SHPRH: variants seen among roughly 807,000 people sequenced by gnomAD.
SHPRH encodes SNF2 histone linker PHD RING helicase, also known as E3 ubiquitin-protein ligase SHPRH.
A neutral mutation model predicts 202.5 loss-of-function variants in SHPRH; 106 were observed. That is an observed-to-expected ratio of 0.52 (90% CI 0.45 to 0.62). The LOEUF is 0.62. Among genes scored for constraint, SHPRH ranks in the 20% least tolerant of loss-of-function variants. The pLI is 0.00. For missense variants in SHPRH, 1,710 were observed against 2,020.0 expected, an observed-to-expected ratio of 0.85 and a Z score of 2.94; for synonymous variants, 729 against 686.0, an observed-to-expected ratio of 1.06 and a Z score of -0.98.
chr6:145,880,190 A>T (rs1006376921), downstream of SHPRH, among the ~76,000 whole-genome samples: 6 of 152,172 alleles, frequency 3.9e-5, no homozygotes, highest in African/African-American at 9.7e-5. Context: ...TTCATGAGAT[A>T]ATAAATTATT....
intron 25 of SHPRH, among the ~76,000 whole-genome samples, chr6:145,900,728 C>T (rs1782428394): frequency 6.6e-6 from 1 of 152,092 alleles, no homozygotes; most frequent in East Asian, 1.9e-4. Flanking sequence ...CTACACACAT[C>T]CTTCTGTATA....
downstream of SHPRH, among the ~76,000 whole-genome samples, chr6:145,879,910 C>CA (rs67055862): frequency 0.015 from 919 of 60,272 alleles, 4 homozygotes; most frequent in African/African-American, 0.03. Context: ...AACTCAATCT[C>CA]AAAAAAAAAA....
At chr6:145,899,439 GA>G (rs762097332) in intron 25 of SHPRH, among the ~76,000 whole-genome samples, 13 of 152,050 alleles carry the variant, frequency 8.5e-5, no homozygotes, top group Non-Finnish European at 1.5e-4. Flanking sequence ...ACACAATGGG[GA>G]AAAAACAGTC....
At chr6:145,944,284 A>G (rs1209739777) in intron 8 of SHPRH, among the ~76,000 whole-genome samples, 1 of 152,188 alleles carries the variant, frequency 6.6e-6, no homozygotes, top group African/African-American at 2.4e-5. Flanking sequence ...ATTACTTATT[A>G]AATGCCAATT....
intron 1 of SHPRH, among the ~76,000 whole-genome samples, chr6:145,955,775 C>A (rs571390716): frequency 6.6e-6 from 1 of 150,968 alleles, no homozygotes; most frequent in African/African-American, 2.4e-5. Context: ...TTATCAGGCA[C>A]GCAAAAAAAA....
intron 25 of SHPRH, chr6:145,909,739 A>G (rs1447836836): frequency 6.6e-6 from 1 of 151,244 alleles, no homozygotes; most frequent in Non-Finnish European, 1.5e-5. Flanking sequence ...AAATTTAGAT[A>G]CCGATGTGTC....
intron 4 of SHPRH, among the ~76,000 whole-genome samples, chr6:145,949,645 G>C (rs1034867313): frequency 2.0e-5 from 3 of 151,920 alleles, no homozygotes; most frequent in African/African-American, 7.3e-5. Context: ...CAGGTGATGG[G>C]TATACTAAAA....
chr6:145,930,025 C>T (rs1030098457), intron 14 of SHPRH, among the ~76,000 whole-genome samples: 4 of 152,096 alleles, frequency 2.6e-5, no homozygotes, highest in Admixed American at 2.6e-4. Context: ...GTTCGGAAAT[C>T]TTGAACAATA....
chr6:145,895,128 G>C (rs1781902801), intron 25 of SHPRH, 151 bp from the exon 26 acceptor site: 1 of 645,072 alleles, frequency 1.6e-6, no homozygotes, highest in African/African-American at 1.9e-5. Context: ...TTTTCATTTT[G>C]TGTTTGCTGG....
At chr6:145,947,342 G>T in intron 6 of SHPRH, 151 bp downstream of exon 6, 1 of 816,860 alleles carries the variant, frequency 1.2e-6, no homozygotes, top group Non-Finnish European at 1.8e-6. Flanking sequence ...CATTCTCTCT[G>T]CCCACTTGAA....
intron 24 of SHPRH, among the ~76,000 whole-genome samples, chr6:145,912,243 G>A (rs1783558980): frequency 6.6e-6 from 1 of 151,580 alleles, no homozygotes; most frequent in Admixed American, 6.6e-5. Context: ...ATTAGAAGGG[G>A]GGAGAACTGG....
rs542557640 is a variant in SHPRH, at chr6:145,895,079, G to T, written c.4516-102C>A. ...ACTTTTTATTATCAAAACTATAAAT[G>T]CATCAAAACAAATTATCAGGTGCAT... On this transcript the variant is annotated intron_variant, in intron 25 of 29. Coordinates refer to ENST00000275233, the MANE Select transcript of SHPRH (RefSeq NM_001042683.3). The T allele has an allele frequency of 5.1e-6, 5 of 976,942 alleles. No homozygotes were observed. The South Asian group carries it at 6.5e-5, about 13-fold the overall frequency. 60.5% of individuals were successfully genotyped at this position (976,942 alleles called of 1,614,324 possible). A position where few individuals can be genotyped will look rare whatever the true frequency, so the allele number is the denominator to read the frequency against.
intron 2 of SHPRH, among the ~76,000 whole-genome samples, chr6:145,870,025 A>G (rs947954952): frequency 4.0e-5 from 6 of 151,096 alleles, no homozygotes; most frequent in African/African-American, 1.2e-4. Flanking sequence ...TTTTTTCTTC[A>G]GTGTTTTGTA....
intron 6 of SHPRH, among the ~76,000 whole-genome samples, chr6:145,947,266 T>A (rs1017786488): frequency 2.6e-5 from 4 of 152,042 alleles, no homozygotes; most frequent in African/African-American, 9.7e-5. Flanking sequence ...CAGTAAGTGA[T>A]CACAAATTCT....
chr6:145,903,456 A>G (rs1453015695), intron 25 of SHPRH: 3 of 152,056 alleles, frequency 2.0e-5, no homozygotes, highest in African/African-American at 7.2e-5. Context: ...AAAAGGCTGT[A>G]TAAGATATCT....
At chr6:145,921,540 G>GT (rs11326222) in intron 20 of SHPRH, 148 bp from the exon 21 acceptor site, 26,297 of 537,222 alleles carry the variant, frequency 0.049, 27 homozygotes, top group South Asian at 0.075. Context: ...AATTTGGCCA[G>GT]TTTTTTTTTT....
At chr6:145,958,035 T>G (rs1424493700) in intron 1 of SHPRH, among the ~76,000 whole-genome samples, 1 of 152,184 alleles carries the variant, frequency 6.6e-6, no homozygotes, top group African/African-American at 2.4e-5. Context: ...GTTAAAGCAT[T>G]ATGCTAAACT....
chr6:145,902,011 GACAT>G (rs1314758323), intron 25 of SHPRH, among the ~76,000 whole-genome samples: 1 of 152,078 alleles, frequency 6.6e-6, no homozygotes, highest in Non-Finnish European at 1.5e-5. Flanking sequence ...TCGGATGGGA[GACAT>G]ACAAAGTGTT....
chr6:145,869,443 G>A (rs1779954462), intron 2 of SHPRH, among the ~76,000 whole-genome samples: 2 of 152,246 alleles, frequency 1.3e-5, no homozygotes, highest in Middle Eastern at 3.4e-3. Flanking sequence ...TTTCTTCTAT[G>A]TTATTTTCAA....
Sources: gnomAD v4.1 joint callset for allele counts (sites outside exome capture counted in the v4.1 genomes callset) on GRCh38, gnomAD v4.1.1 for gene constraint, MANE v1.5 for transcripts, NCBI Gene and HGNC (gene_info 2026-07-23, HGNC 2026-07-21) for gene names.